Variants in RELCH observed in about 807,000 individuals in gnomAD.
RELCH encodes RAB11-binding protein RELCH.
A neutral mutation model predicts 150.3 loss-of-function variants in RELCH; 41 were observed. The ratio of observed to expected loss-of-function variants is 0.27; its 90% CI spans 0.21 to 0.35. The LOEUF (loss-of-function observed/expected upper bound fraction) is 0.35, where lower values mean the gene tolerates loss of function less well. RELCH is among the 10% of genes least tolerant of loss of function. RELCH has a pLI of 1.00. For missense variants in RELCH, 1,092 were observed against 1,467.8 expected, an observed-to-expected ratio of 0.74 and a Z score of 4.18; for synonymous variants, 478 against 531.8, an observed-to-expected ratio of 0.90 and a Z score of 1.39.
rs557112623 is a variant in RELCH, at chr18:62,305,333, C to T, written c.3531-81C>T. ...TTGTGACGCCAATTCAGAGTGTGTT[C>T]GTTAATGATATGCTACTAAATAAAT... is the stretch of plus-strand genomic sequence containing the variant. On this transcript the variant is annotated intron_variant, in intron 28 of 28. Transcript: ENST00000644646. The surrounding 1 kb of genome is among the most constrained non-coding windows in gnomAD (Gnocchi z 4.0). The T allele has an allele frequency of 2.3e-5, 29 of 1,246,838 alleles. No homozygotes were observed. Among genetic ancestry groups the T allele is most frequent in the African/African-American group, 7.7e-5 (5 of 64,908 alleles). The allele number at this position is 1,246,838 out of a possible 1,614,324, so 77.2% of individuals were successfully genotyped here.
chr18:62,293,685 A>G (rs9947004), intron 27 of RELCH, among the ~76,000 whole-genome samples: 61 of 152,212 alleles, frequency 4.0e-4, no homozygotes, highest in Middle Eastern at 3.4e-3. Context: ...CACAAAGTTG[A>G]TGGGGGAAAA....
chr18:62,193,834 G>T (rs1201502941), intron 1 of RELCH, among the ~76,000 whole-genome samples: 1 of 152,022 alleles, frequency 6.6e-6, no homozygotes, highest in African/African-American at 2.4e-5. Flanking sequence ...TTAAATTAAG[G>T]TTTTTTACAT....
chr18:62,284,774 G>A (rs2044704385), intron 25 of RELCH, among the ~76,000 whole-genome samples: 1 of 152,182 alleles, frequency 6.6e-6, no homozygotes, highest in African/African-American at 2.4e-5. Context: ...TTGGCTAATA[G>A]AGGACATTAG....
intron 28 of RELCH, among the ~76,000 whole-genome samples, chr18:62,302,482 G>T (rs1256755118): frequency 6.6e-6 from 1 of 152,086 alleles, no homozygotes; most frequent in African/African-American, 2.4e-5. Context: ...AGGCAAACCA[G>T]AATGGTGTTA....
At position 62,263,255 on chromosome 18, in the gene RELCH, C is replaced by T. The variant is rs567118654; in HGVS notation, c.2351-734C>T. 5.9e-5 allele frequency among the ~76,000 whole-genome samples: 9 copies of T among 152,112 alleles called. No individual in the cohort carries two copies. The South Asian group carries it at 1.7e-3, about 28-fold the overall frequency. On this transcript the variant is annotated intron_variant, in intron 16 of 28. Transcript: ENST00000644646. ...TGTTATCATTCTCTCATTTATTTAA[C>T]AAATGATTCTTAAATGTCATCTATT...
intron 21 of RELCH, among the ~76,000 whole-genome samples, 196 bp downstream of exon 21, chr18:62,274,282 A>G (rs956598459): frequency 6.6e-6 from 1 of 152,162 alleles, no homozygotes; most frequent in African/African-American, 2.4e-5. Context: ...TTTATAATCA[A>G]TACATTGTAA....
chr18:62,309,626 T>G lies in RELCH; in HGVS notation c.*4092T>G, dbSNP rs1043693436. 1 of 152,208 alleles carries G rather than the reference T, an allele frequency of 6.6e-6. No homozygotes were observed. The highest frequency in any genetic ancestry group is 1.5e-5 in the Non-Finnish European group (1 of 68,028). 9.4% of individuals were successfully genotyped at this position (152,208 alleles called of 1,614,324 possible). The stretch of plus-strand genomic sequence containing the variant: ...GATAGTATATAAATAATATCTTCAG[T>G]TCAGTGTTATGAGGAATGTAAACTG... On this transcript the variant is annotated 3_prime_UTR_variant, in exon 29 of 29. Coordinates refer to ENST00000644646, the MANE Select transcript of RELCH (RefSeq NM_001346231.2).
Position 62,258,256 on chromosome 18 carries a change from G to C in RELCH, c.2037+168G>C, listed in dbSNP as rs183432451. 1.0e-3 allele frequency among the ~76,000 whole-genome samples: 153 copies of C among 152,046 alleles called. 1 individual carries two copies. The highest frequency in any genetic ancestry group is 3.6e-3 in the African/African-American group (149 of 41,502). On this transcript the variant is annotated intron_variant, in intron 14 of 28. Coordinates refer to ENST00000644646, the MANE Select transcript of RELCH (RefSeq NM_001346231.2). ...GGTTTCAATTTTGCAGCTCAGAGGA[G>C]AGAATGCTACACTTCAGTTATAGTA...
At chr18:62,215,630 G>A (rs2040433176) in intron 2 of RELCH, among the ~76,000 whole-genome samples, 1 of 152,114 alleles carries the variant, frequency 6.6e-6, no homozygotes, top group Non-Finnish European at 1.5e-5. Flanking sequence ...ATCTTGTTAG[G>A]AATGCTGCAA....
In RELCH at chr18:62,308,094, A is replaced by C. The variant is rs527435994; in HGVS notation, c.*2560A>C. Reference sequence around the variant, plus strand: ...TGTCACTACTATACACTATAATTCTAATGGGGGTCTCAAGTCAAGGTGCTA... The same window carrying C: ...TGTCACTACTATACACTATAATTCTCATGGGGGTCTCAAGTCAAGGTGCTA... On this transcript the variant is annotated 3_prime_UTR_variant, in exon 29 of 29. Transcript: ENST00000644646. 1 of 152,272 alleles carries C rather than the reference A, an allele frequency of 6.6e-6. No individual in the cohort carries two copies. The highest frequency in any genetic ancestry group is 1.9e-4 in the East Asian group (1 of 5,178). 9.4% of individuals were successfully genotyped at this position (152,272 alleles called of 1,614,324 possible).
intron 1 of RELCH, among the ~76,000 whole-genome samples, chr18:62,200,902 TTC>T (rs1235052424): frequency 6.6e-6 from 1 of 151,612 alleles, no homozygotes; most frequent in Non-Finnish European, 1.5e-5. Context: ...GCCTTATAGG[TTC>T]TCTTTCTTTG....
intron 23 of RELCH, among the ~76,000 whole-genome samples, chr18:62,280,079 T>G (rs1282128523): frequency 2.6e-5 from 4 of 152,134 alleles, no homozygotes; most frequent in African/African-American, 9.7e-5. Flanking sequence ...ATTGAAAAAA[T>G]ATATTAGTAA....
chr18:62,208,108 T>C (rs79562654), intron 1 of RELCH, among the ~76,000 whole-genome samples: 13,119 of 152,232 alleles, frequency 0.086, 642 homozygotes, highest in Middle Eastern at 0.17. Flanking sequence ...ATGTACCTCA[T>C]TGTGGTTTGA....
rs75927366 is a variant in RELCH, at chr18:62,262,811, T to G, written c.2350+1153T>G. ...GCTGCCTTAACAAAGGACCACCAAC[T>G]GAGTGGCTTAAACAACAGAAATTTA... On this transcript the variant is annotated intron_variant, in intron 16 of 28. Transcript: ENST00000644646. 7.1e-3 allele frequency among the ~76,000 whole-genome samples: 1,076 copies of G among 152,108 alleles called. 14 individuals are homozygous for G. The highest frequency in any genetic ancestry group is 0.025 in the African/African-American group (1,028 of 41,514).
Position 62,305,540 on chromosome 18 carries a change from G to A in RELCH, c.*6G>A. 6.2e-7 allele frequency: 1 copy of A among 1,603,244 alleles called. No homozygotes were observed. Among genetic ancestry groups the A allele is most frequent in the Non-Finnish European group, 8.5e-7 (1 of 1,175,292 alleles). On this transcript the variant is annotated 3_prime_UTR_variant, in exon 29 of 29. Coordinates refer to ENST00000644646, the MANE Select transcript of RELCH (RefSeq NM_001346231.2). The surrounding 1 kb of genome is among the most constrained non-coding windows in gnomAD (Gnocchi z 4.0). Reference sequence around the variant, plus strand: ...TATTTCAGAGAAAGAAGTAGAAGCAGGAAAGAAGCCCCCAGTAAACACTAA... The same window carrying A: ...TATTTCAGAGAAAGAAGTAGAAGCAAGAAAGAAGCCCCCAGTAAACACTAA...
intron 2 of RELCH, among the ~76,000 whole-genome samples, chr18:62,220,441 A>G (rs2040790335): frequency 6.6e-6 from 1 of 151,470 alleles, no homozygotes; most frequent in Admixed American, 6.6e-5. Context: ...GTTTGTAGAA[A>G]AATGTATAGG....
intron 27 of RELCH, among the ~76,000 whole-genome samples, chr18:62,292,590 C>G (rs1048989487): frequency 1.3e-5 from 2 of 152,212 alleles, no homozygotes; most frequent in African/African-American, 4.8e-5. Flanking sequence ...TGCCATCTGT[C>G]TATTCCACCT....
chr18:62,193,056 T>C (rs1238751705), intron 1 of RELCH, among the ~76,000 whole-genome samples: 1 of 152,208 alleles, frequency 6.6e-6, no homozygotes, highest in Non-Finnish European at 1.5e-5. Context: ...TAACAGTGGT[T>C]TGTAGTTCTC....
intron 9 of RELCH, among the ~76,000 whole-genome samples, 169 bp from the exon 10 acceptor site, chr18:62,232,163 T>C (rs1010089587): frequency 6.6e-5 from 10 of 151,276 alleles, no homozygotes; most frequent in Non-Finnish European, 1.2e-4. Context: ...GTTGCTGTTG[T>C]TGCTGCTGCT....
Sources: allele counts gnomAD v4.1 joint callset (sites outside exome capture counted in the v4.1 genomes callset), GRCh38; gene constraint gnomAD v4.1.1; non-coding constraint Gnocchi (gnomAD v3.1); transcripts MANE v1.5; gene names NCBI Gene and HGNC (gene_info 2026-07-23, HGNC 2026-07-21).